Variants in VAT1L observed in about 807,000 individuals in gnomAD.
VAT1L encodes the protein vesicle amine transport 1 like.
In VAT1L, 34 loss-of-function variants were observed where a neutral mutation model predicts 44.1. The observed-to-expected ratio is 0.77, with a 90% CI of 0.59 to 1.03. The LOEUF is 1.03. Ranked by LOEUF, VAT1L falls within the 50% of genes least tolerant of loss-of-function variation. The pLI is 0.00. For missense variants in VAT1L, 615 were observed against 538.8 expected (o/e 1.14, Z -1.40); for synonymous variants, 253 against 202.2 (o/e 1.25, Z -2.13).
intron 7 of VAT1L, among the ~76,000 whole-genome samples, chr16:77,971,438 T>C (rs1299977164): frequency 6.6e-6 from 1 of 152,136 alleles, no homozygotes. Flanking sequence ...TTAGCCCAAC[T>C]ACGAGTCACA....
intron 1 of VAT1L, among the ~76,000 whole-genome samples, chr16:77,813,555 T>C (rs2145231042): frequency 6.6e-6 from 1 of 152,326 alleles, no homozygotes; most frequent in East Asian, 1.9e-4. Flanking sequence ...GCAATGGAAG[T>C]CTACAAAGCC....
At chr16:77,863,227 GCATT>G (rs1229137850) in intron 4 of VAT1L, among the ~76,000 whole-genome samples, 1 of 152,312 alleles carries the variant, frequency 6.6e-6, no homozygotes, top group African/African-American at 2.4e-5. Flanking sequence ...TTCTGTAAGA[GCATT>G]CAGAGACCCA....
intron 1 of VAT1L, among the ~76,000 whole-genome samples, chr16:77,790,303 C>A (rs1053391910): frequency 1.3e-5 from 2 of 152,134 alleles, no homozygotes; most frequent in Admixed American, 1.3e-4. Flanking sequence ...CTTTTGCAAA[C>A]CGGGGGATCC....
At chr16:77,870,464 C>A (rs181630732) in intron 4 of VAT1L, among the ~76,000 whole-genome samples, 3 of 152,132 alleles carry the variant, frequency 2.0e-5, no homozygotes, top group African/African-American at 7.2e-5. Flanking sequence ...CTCTAAGTAC[C>A]GCCTCTGTTG....
At chr16:77,969,166 G>C (rs1004222478) in intron 7 of VAT1L, among the ~76,000 whole-genome samples, 5 of 152,140 alleles carry the variant, frequency 3.3e-5, no homozygotes, top group Non-Finnish European at 7.4e-5. Flanking sequence ...CTGTTCTCAA[G>C]ATATCGAGAT....
At chr16:77,828,416 C>T (rs957515965) in intron 3 of VAT1L, among the ~76,000 whole-genome samples, 1 of 152,110 alleles carries the variant, frequency 6.6e-6, no homozygotes, top group African/African-American at 2.4e-5. Context: ...GTAATCCCAG[C>T]ACTTTGGGAG....
intron 1 of VAT1L, among the ~76,000 whole-genome samples, chr16:77,803,449 T>G (rs559925187): frequency 1.1e-3 from 152 of 142,590 alleles, no homozygotes; most frequent in African/African-American, 3.9e-3. Context: ...AGATGGAGTC[T>G]TGCTCTGTTG....
intron 7 of VAT1L, among the ~76,000 whole-genome samples, chr16:77,931,210 G>A (rs1028477643): frequency 6.6e-6 from 1 of 152,126 alleles, no homozygotes; most frequent in African/African-American, 2.4e-5. Context: ...GAACGACGTG[G>A]GTGGGCATTA....
At chr16:77,932,193 T>C (rs2017739370) in intron 7 of VAT1L, among the ~76,000 whole-genome samples, 1 of 148,586 alleles carries the variant, frequency 6.7e-6, no homozygotes, top group African/African-American at 2.5e-5. Context: ...AAGCTCTGCC[T>C]CCTGGGTTCA....
At chr16:77,812,609 C>G (rs1251755061) in intron 1 of VAT1L, among the ~76,000 whole-genome samples, 3 of 152,136 alleles carry the variant, frequency 2.0e-5, no homozygotes, top group African/African-American at 4.8e-5. Flanking sequence ...GTTTTCTCAG[C>G]TTGTTACGAA....
intron 7 of VAT1L, among the ~76,000 whole-genome samples, chr16:77,966,932 TAA>T (rs55896887): frequency 0.011 from 1,125 of 106,496 alleles, 24 homozygotes; most frequent in East Asian, 0.032. Flanking sequence ...TAGAGTACTT[TAA>T]AAAAAAAAAA....
At chr16:77,807,266 T>C (rs1254740115) in intron 1 of VAT1L, among the ~76,000 whole-genome samples, 2 of 152,062 alleles carry the variant, frequency 1.3e-5, no homozygotes, top group Non-Finnish European at 2.9e-5. Context: ...CAGTGCTCAC[T>C]CCCCCAGCTA....
chr16:77,836,700 C>T (rs986258932), intron 3 of VAT1L, among the ~76,000 whole-genome samples: 1 of 152,314 alleles, frequency 6.6e-6, no homozygotes, highest in East Asian at 1.9e-4. Context: ...ATATATAGAT[C>T]TAAAAACACC....
intron 3 of VAT1L, among the ~76,000 whole-genome samples, chr16:77,845,969 A>G (rs973241183): frequency 6.6e-6 from 1 of 152,196 alleles, no homozygotes; most frequent in Non-Finnish European, 1.5e-5. Context: ...AATGTGTGCA[A>G]TTATCCCGGG....
intron 3 of VAT1L, among the ~76,000 whole-genome samples, chr16:77,828,587 C>T (rs973722755): frequency 3.9e-5 from 6 of 152,010 alleles, no homozygotes; most frequent in Admixed American, 1.3e-4. Flanking sequence ...CGCTTGAAGC[C>T]GGGAGGCAGA....
At chr16:77,876,279 G>A (rs2017086119) in intron 4 of VAT1L, 91 bp from the exon 5 acceptor site, 8 of 1,158,912 alleles carry the variant, frequency 6.9e-6, no homozygotes, top group South Asian at 1.3e-5. Flanking sequence ...CTAATTCTGA[G>A]AGTCAGACAA....
At chr16:77,966,556 G>T (rs954296115) in intron 7 of VAT1L, among the ~76,000 whole-genome samples, 4 of 152,146 alleles carry the variant, frequency 2.6e-5, no homozygotes, top group African/African-American at 9.7e-5. Flanking sequence ...AGCCAGAAAA[G>T]GCAACAGTTA....
intron 3 of VAT1L, among the ~76,000 whole-genome samples, chr16:77,859,542 G>A (rs1047739408): frequency 1.3e-5 from 2 of 152,190 alleles, no homozygotes; most frequent in Non-Finnish European, 2.9e-5. Context: ...ACATTGGGAA[G>A]TCCAAAATAA....
intron 7 of VAT1L, among the ~76,000 whole-genome samples, chr16:77,886,296 G>A (rs1445089443): frequency 6.6e-6 from 1 of 152,116 alleles, no homozygotes; most frequent in Non-Finnish European, 1.5e-5. Context: ...TATCTCATTG[G>A]AACAGGGAAA....
Sources: gnomAD v4.1 joint callset for allele counts (sites outside exome capture counted in the v4.1 genomes callset) on GRCh38, gnomAD v4.1.1 for gene constraint, MANE v1.5 for transcripts, NCBI Gene and HGNC (gene_info 2026-07-23, HGNC 2026-07-21) for gene names.